The following VPS13B variants were observed in gnomAD, a reference collection of about 807,000 sequenced individuals.
VPS13B encodes the protein vacuolar protein sorting 13 homolog B.
A neutral mutation model predicts 426.4 loss-of-function variants in VPS13B; 285 were observed. The ratio of observed to expected loss-of-function variants is 0.67; its 90% CI spans 0.61 to 0.74. The LOEUF is 0.74. Among genes scored for constraint, VPS13B ranks in the 30% least tolerant of loss-of-function variants. The pLI is 0.00. For synonymous variants in VPS13B, 1,676 were observed against 1,676.4 expected (o/e 1.00, Z 0.01); for missense variants, 4,537 against 4,782.6 (o/e 0.95, Z 1.51).
rs572565822 is a variant in VPS13B at position 99,169,311 on chromosome 8, A to T, written c.2209-728A>T. Among the ~76,000 whole-genome samples the T allele has an allele frequency of 8.5e-5, 13 of 152,178 alleles. No individual in the cohort carries two copies. In the East Asian group the frequency reaches 2.3e-3, roughly 27 times the overall value. On this transcript the variant is annotated intron_variant, in intron 15 of 61. Transcript: ENST00000357162. ...AAATAATTGAAGCAGAAATATCATC[A>T]GTTCTCTACAGTATTTCATGTAACG...
chr8:99,140,224 G>T (rs994535783), intron 12 of VPS13B, among the ~76,000 whole-genome samples: 5 of 151,954 alleles, frequency 3.3e-5, no homozygotes, highest in Admixed American at 6.5e-5. Flanking sequence ...AATTAGCCGG[G>T]GGTGGTGGCA....
chr8:99,182,092 A>T (rs909242576), intron 16 of VPS13B, among the ~76,000 whole-genome samples: 1 of 152,206 alleles, frequency 6.6e-6, no homozygotes, highest in Admixed American at 6.5e-5. Flanking sequence ...TAACAGCTTT[A>T]TTCAAAATAA....
At chr8:99,703,665 A>G (rs1325880905) in intron 36 of VPS13B, among the ~76,000 whole-genome samples, 2 of 152,196 alleles carry the variant, frequency 1.3e-5, no homozygotes, top group African/African-American at 4.8e-5. Context: ...TGTATATACA[A>G]CGCAATCATT....
At chr8:99,857,050 C>T (rs1436331895) in intron 56 of VPS13B, among the ~76,000 whole-genome samples, 2 of 152,142 alleles carry the variant, frequency 1.3e-5, no homozygotes, top group African/African-American at 4.8e-5. Flanking sequence ...AATTTCCAAA[C>T]GACTGAGCAA....
In VPS13B at chr8:99,115,739, G is replaced by A; in HGVS notation, c.802G>A (p.Asp268Asn). 1 of 1,613,210 alleles carries A rather than the reference G, an allele frequency of 6.2e-7. No homozygotes were observed. Among genetic ancestry groups the A allele is most frequent in the Middle Eastern group, 1.7e-4 (1 of 6,050 alleles). The part of the protein sequence containing the change: ...LVESLKLSIT[D>N]QQLPMFIRIM... ...GGAAAGTTTGAAACTTTCTATCACAGATCAACAACTGCCTATGTTTATTCG... is the reference window on the plus strand; with the variant it reads ...GGAAAGTTTGAAACTTTCTATCACAAATCAACAACTGCCTATGTTTATTCG... Residue 268 changes from aspartate to asparagine, a missense_variant, in exon 7 of 62, where the codon GAT (aspartate) becomes AAT (asparagine). This residue lies in a region of VPS13B where 4,311 missense variants were observed against 4,474.3 expected (regional missense o/e 0.96). Coordinates refer to ENST00000357162, the MANE Select transcript of VPS13B (RefSeq NM_152564.5).
intron 3 of VPS13B, among the ~76,000 whole-genome samples, chr8:99,044,384 C>CT (rs1002668232): frequency 2.9e-4 from 42 of 143,416 alleles, no homozygotes; most frequent in Non-Finnish European, 5.8e-4. Flanking sequence ...CGCCCGGCCT[C>CT]TTTTTTTCTT....
intron 33 of VPS13B, among the ~76,000 whole-genome samples, chr8:99,632,853 T>A (rs1333228300): frequency 6.6e-6 from 1 of 152,050 alleles, no homozygotes; most frequent in Non-Finnish European, 1.5e-5. Context: ...CAAATGACTT[T>A]CCATTCTGTT....
At chr8:99,819,361 A>G (rs778783243) in intron 47 of VPS13B, 51 bp from the exon 48 acceptor site, 58 of 1,592,946 alleles carry the variant, frequency 3.6e-5, no homozygotes, top group Middle Eastern at 1.7e-4. Flanking sequence ...TAAATTATAT[A>G]CCACTTTAGA....
intron 16 of VPS13B, among the ~76,000 whole-genome samples, chr8:99,191,573 G>A (rs1256843182): frequency 6.6e-6 from 1 of 151,546 alleles, no homozygotes; most frequent in African/African-American, 2.4e-5. Flanking sequence ...TGCTAGAGAC[G>A]GGGTTTCACC....
At chr8:99,020,701 A>G (rs1006028730) in intron 2 of VPS13B, among the ~76,000 whole-genome samples, 9 of 152,172 alleles carry the variant, frequency 5.9e-5, no homozygotes, top group Non-Finnish European at 1.3e-4. Flanking sequence ...TGACATCTGT[A>G]CTTTCACATT....
chr8:99,596,270 GT>G (rs989224747), intron 33 of VPS13B, among the ~76,000 whole-genome samples: 2 of 151,882 alleles, frequency 1.3e-5, no homozygotes, highest in Non-Finnish European at 2.9e-5. Flanking sequence ...CTAAGACGTG[GT>G]ACTTCTGATT....
At chr8:99,802,254 C>A (rs1294905854) in intron 43 of VPS13B, among the ~76,000 whole-genome samples, 2 of 151,742 alleles carry the variant, frequency 1.3e-5, no homozygotes, top group Non-Finnish European at 2.9e-5. Flanking sequence ...AGCAATATAG[C>A]AAGCCAGACT....
At chr8:99,435,315 C>A (rs1020048264) in intron 22 of VPS13B, among the ~76,000 whole-genome samples, 1 of 152,144 alleles carries the variant, frequency 6.6e-6, no homozygotes, top group African/African-American at 2.4e-5. Flanking sequence ...AAAATAACCT[C>A]ATTCCCTCTT....
intron 23 of VPS13B, among the ~76,000 whole-genome samples, chr8:99,448,998 G>A (rs940521503): frequency 6.6e-6 from 1 of 152,082 alleles, no homozygotes; most frequent in African/African-American, 2.4e-5. Flanking sequence ...TTCAGTAAAT[G>A]TTTCTTAGTA....
At chr8:99,144,011 TTCTTC>T (rs1468669408) in intron 13 of VPS13B, among the ~76,000 whole-genome samples, 1 of 152,142 alleles carries the variant, frequency 6.6e-6, no homozygotes, top group Non-Finnish European at 1.5e-5. Context: ...CTTCCTTCTT[TTCTTC>T]TCTTCTTTCT....
At chr8:99,341,915 CA>C (rs1237180027) in intron 19 of VPS13B, among the ~76,000 whole-genome samples, 1 of 152,194 alleles carries the variant, frequency 6.6e-6, no homozygotes, top group Non-Finnish European at 1.5e-5. Flanking sequence ...AGCGCAGACA[CA>C]AGGCTCCCGA....
chr8:99,527,998 T>C (rs1222591970), intron 30 of VPS13B: 1 of 152,228 alleles, frequency 6.6e-6, no homozygotes, highest in South Asian at 2.1e-4. Context: ...AGCTTTATGT[T>C]GTGCAATATG....
chr8:99,381,018 G>T (rs1043309764), intron 19 of VPS13B, among the ~76,000 whole-genome samples: 1 of 151,846 alleles, frequency 6.6e-6, no homozygotes, highest in South Asian at 2.1e-4. Flanking sequence ...TAAACCAATG[G>T]TTATTTTTAT....
rs34418547 is a variant in VPS13B, at chr8:99,358,002, T to TCACACACA, written c.2825-26180_2825-26173dup. Among the ~76,000 whole-genome samples, 973 of 144,404 alleles carry TCACACACA rather than the reference T, an allele frequency of 6.7e-3. 6 individuals are homozygous for TCACACACA. Among genetic ancestry groups the TCACACACA allele is most frequent in the Middle Eastern group, 0.028 (8 of 282 alleles). The allele number at this position is 144,404 out of a possible 152,430, so 94.7% of individuals were successfully genotyped here. On this transcript the variant is annotated intron_variant, in intron 19 of 61. Transcript: ENST00000357162. Reference sequence around the variant, plus strand: ...GATGGTTTATTTTGAGGATTAAATATCACACACACACACACACACACACAC... The same window carrying TCACACACA: ...GATGGTTTATTTTGAGGATTAAATATCACACACACACACACACACACACACACACACAC...
Sources: allele counts gnomAD v4.1 joint callset (sites outside exome capture counted in the v4.1 genomes callset), GRCh38; gene constraint gnomAD v4.1.1; regional missense constraint gnomAD v4.1.1; transcripts MANE v1.5; gene names NCBI Gene and HGNC (gene_info 2026-07-23, HGNC 2026-07-21).